USP16: variants seen among roughly 807,000 people sequenced by gnomAD.
USP16 encodes ubiquitin carboxyl-terminal hydrolase 16.
In USP16, 77 loss-of-function variants were observed where a neutral mutation model predicts 95.9. That is an observed-to-expected ratio of 0.80 (90% CI 0.67 to 0.97). USP16 has a LOEUF of 0.97. Ranked by LOEUF, USP16 falls within the 50% of genes least tolerant of loss-of-function variation. The pLI is 0.00. For missense variants in USP16, 943 were observed against 959.9 expected (o/e 0.98, Z 0.23); for synonymous variants, 303 against 318.2 (o/e 0.95, Z 0.51).
rs1568903782 is a variant in USP16 at position 29,054,056 on chromosome 21, C to G, written c.2351-10C>G. 5 of 1,614,078 alleles carry G rather than the reference C, an allele frequency of 3.1e-6. No homozygotes were observed. The highest frequency in any genetic ancestry group is 2.2e-5 in the East Asian group (1 of 44,886). On this transcript the variant is annotated splice_polypyrimidine_tract_variant and intron_variant, in intron 17 of 17. Coordinates refer to ENST00000399976, the MANE Select transcript of USP16 (RefSeq NM_006447.3). ...CCATTTATGTTTGATTTTTCATTTT[C>G]TCATGACAGATTTTGAAATGGAATC...
At position 29,038,395 on chromosome 21, in the gene USP16, A is replaced by G. The variant is rs1437417532; in HGVS notation, c.697A>G (p.Ile233Val). Reference sequence around the variant, plus strand: ...AAAAGAAGTGAAAATGTCTGGAACAATTGTAAAAATTGAACCACCTGATTT... The same window carrying G: ...AAAAGAAGTGAAAATGTCTGGAACAGTTGTAAAAATTGAACCACCTGATTT... ...LLKEVKMSGT[I>V]VKIEPPDLAL... is the part of the protein sequence containing the mutation. Residue 233 changes from isoleucine (I) to valine (V), a missense_variant, in exon 7 of 18, where the codon ATT becomes GTT. Ile to Val is a conservative substitution (Grantham distance 29). Transcript: ENST00000399976. 1 of 1,613,048 alleles carries G rather than the reference A, an allele frequency of 6.2e-7. No homozygotes were observed. The highest frequency in any genetic ancestry group is 1.7e-4 in the Middle Eastern group (1 of 6,060).
intron 12 of USP16, chr21:29,043,161 A>G (rs966058284): frequency 4.2e-6 from 1 of 235,302 alleles, no homozygotes; most frequent in African/African-American, 2.2e-5. Context: ...GCATGTATCT[A>G]ATAAATTTCG....
chr21:29,024,806 C>T, intron 1 of USP16, 29 bp downstream of exon 1: 1 of 1,256,994 alleles, frequency 8.0e-7, no homozygotes, highest in Non-Finnish European at 1.0e-6. Flanking sequence ...GCCTGGCAGT[C>T]GTCGCTCGCC....
At chr21:29,042,307 A>G (rs2085256451) in intron 11 of USP16, among the ~76,000 whole-genome samples, 165 bp from the exon 12 acceptor site, 1 of 152,158 alleles carries the variant, frequency 6.6e-6, no homozygotes, top group Admixed American at 6.5e-5. Context: ...TATTTCCCCC[A>G]ACCCAAAGTC....
rs1354726020 is a variant in USP16 at position 29,054,061 on chromosome 21, GAC to G, written c.2351-3_2351-2del. The G allele has an allele frequency of 1.2e-5, 19 of 1,614,070 alleles. No homozygotes were observed. The highest frequency in any genetic ancestry group is 1.5e-5 in the Non-Finnish European group (18 of 1,179,976). Reference sequence around the variant, plus strand: ...TATGTTTGATTTTTCATTTTCTCATGACAGATTTTGAAATGGAATCAAAAGGG... The same window carrying G: ...TATGTTTGATTTTTCATTTTCTCATGAGATTTTGAAATGGAATCAAAAGGG... On this transcript the variant is annotated splice_region_variant and splice_polypyrimidine_tract_variant and intron_variant, in intron 17 of 17. Coordinates refer to ENST00000399976, the MANE Select transcript of USP16 (RefSeq NM_006447.3).
At chr21:29,039,193 G>C in intron 8 of USP16, 37 bp downstream of exon 8, 2 of 1,410,276 alleles carry the variant, frequency 1.4e-6, no homozygotes, top group African/African-American at 1.5e-5. Flanking sequence ...CAGTGCCTCA[G>C]TGAGATGCTG....
In USP16 at chr21:29,046,563, A is replaced by G. The variant is rs2085325702; in HGVS notation, c.1357-104A>G. 2.6e-6 allele frequency: 3 copies of G among 1,169,306 alleles called. No homozygotes were observed. In the South Asian group the frequency reaches 4.9e-5, roughly 19 times the overall value. The allele number at this position is 1,169,306 out of a possible 1,614,324, so 72.4% of individuals were successfully genotyped here. Reference sequence around the variant, plus strand: ...TGATTGACAAGCAGCAAAACTGGATATAGTACATGTGTGTGTTTTGTCCTT... The same window carrying G: ...TGATTGACAAGCAGCAAAACTGGATGTAGTACATGTGTGTGTTTTGTCCTT... On this transcript the variant is annotated intron_variant, in intron 13 of 17. Transcript: ENST00000399976.
In USP16 at chr21:29,054,110, A is replaced by G; in HGVS notation, c.2395A>G (p.Thr799Ala). ...AGGGCAGTGGTTTCACATCAGCGAC[A>G]CACATGTGCAAGCTGTGCCTACAAC... is the stretch of plus-strand genomic sequence containing the variant. ...SKGQWFHISD[T>A]HVQAVPTTKV... The change falls in exon 18 of 18, where the codon ACA (threonine) becomes GCA (alanine). Residue 799 changes from threonine (T) to alanine (A), a missense_variant. By Grantham distance (58) the Thr-to-Ala change is moderately conservative (BLOSUM62 0). Coordinates refer to ENST00000399976, the MANE Select transcript of USP16 (RefSeq NM_006447.3). The G allele has an allele frequency of 6.2e-7, 1 of 1,614,254 alleles. No individual in the cohort carries two copies. The highest frequency in any genetic ancestry group is 8.5e-7 in the Non-Finnish European group (1 of 1,180,044).
chr21:29,037,579 C>CTTTTTTTTTTTTTTTTTT (rs71189336), intron 6 of USP16, 116 bp downstream of exon 6: 1 of 171,646 alleles, frequency 5.8e-6, no homozygotes, highest in Non-Finnish European at 9.3e-6. Context: ...CCAAAGAAAA[C>CTTTTTTTTTTTTTTTTTT]TTTTTTTTTT....
chr21:29,041,586 C>T (rs1456733262), intron 10 of USP16, among the ~76,000 whole-genome samples: 2 of 152,122 alleles, frequency 1.3e-5, no homozygotes, highest in African/African-American at 4.8e-5. Flanking sequence ...CATTTTCTCT[C>T]CCAGTTTGCT....
intron 1 of USP16, 77 bp from the exon 2 acceptor site, chr21:29,027,796 A>G (rs1414200811): frequency 1.1e-6 from 1 of 941,700 alleles, no homozygotes; most frequent in East Asian, 2.6e-5. Flanking sequence ...TACGTGGCTT[A>G]GTTATATTAC....
At position 29,053,928 on chromosome 21, in the gene USP16, A is replaced by G; in HGVS notation, c.2320A>G (p.Asn774Asp). Reference protein sequence around the residue: ...KARTANSHLSNLVLHGDIPQD... With the variant: ...KARTANSHLSDLVLHGDIPQD... Reference sequence around the variant, plus strand: ...AAGAACCGCAAATAGTCATCTCTCTAATCTTGTTCTTCACGGTGATATTCC... The same window carrying G: ...AAGAACCGCAAATAGTCATCTCTCTGATCTTGTTCTTCACGGTGATATTCC... The change falls in exon 17 of 18, where the codon AAT becomes GAT. Residue 774 changes from asparagine (N) to aspartate (D), a missense_variant. Transcript: ENST00000399976. The G allele has an allele frequency of 6.2e-7, 1 of 1,614,238 alleles. No homozygotes were observed. The highest frequency in any genetic ancestry group is 1.3e-5 in the African/African-American group (1 of 75,072).
At chr21:29,043,843 TTTAA>T (rs2085281377) in intron 13 of USP16, among the ~76,000 whole-genome samples, 1 of 152,186 alleles carries the variant, frequency 6.6e-6, no homozygotes, top group Non-Finnish European at 1.5e-5. Flanking sequence ...TTGTAGTAAG[TTTAA>T]TTAACTTAAT....
intron 3 of USP16, 129 bp downstream of exon 3, chr21:29,030,902 C>A: frequency 9.3e-7 from 1 of 1,074,798 alleles, no homozygotes; most frequent in Non-Finnish European, 1.3e-6. Context: ...TCTGGAGAAC[C>A]AGTTCTGAGA....
At chr21:29,034,616 G>A (rs1326709949) in intron 3 of USP16, among the ~76,000 whole-genome samples, 1 of 152,110 alleles carries the variant, frequency 6.6e-6, no homozygotes, top group African/African-American at 2.4e-5. Context: ...CGCGCCTAGC[G>A]AGTGCATGGT....
intron 5 of USP16, among the ~76,000 whole-genome samples, chr21:29,036,870 G>GT (rs2085165097): frequency 6.6e-6 from 1 of 152,094 alleles, no homozygotes; most frequent in South Asian, 2.1e-4. Flanking sequence ...AGAATTATTT[G>GT]TTTTTTACTT....
chr21:29,043,495 G>A lies in USP16; in HGVS notation c.1252G>A (p.Glu418Lys). ...VEDEDQDSEE[E>K]KDNDSYIKER... ...GGATGAAGATCAAGATAGTGAGGAA[G>A]AAAAAGATAACGACAGTTACATAAA... The change falls in exon 13 of 18, where the codon GAA becomes AAA. Residue 418 changes from glutamate (E) to lysine (K), a missense_variant. Transcript: ENST00000399976. The A allele has an allele frequency of 6.3e-7, 1 of 1,597,056 alleles. No individual in the cohort carries two copies. The highest frequency in any genetic ancestry group is 8.5e-7 in the Non-Finnish European group (1 of 1,173,190).
At chr21:29,049,965 G>C in intron 15 of USP16, 127 bp from the exon 16 acceptor site, 1 of 785,912 alleles carries the variant, frequency 1.3e-6, no homozygotes, top group East Asian at 2.7e-5. Flanking sequence ...GAAGAATTGA[G>C]TCTCCAAAGA....
chr21:29,041,721 G>C (rs2085245579), intron 10 of USP16, among the ~76,000 whole-genome samples: 1 of 152,160 alleles, frequency 6.6e-6, no homozygotes, highest in Admixed American at 6.5e-5. Flanking sequence ...GAAAGACATA[G>C]AAGTCTCACT....
Sources: allele counts gnomAD v4.1 joint callset (sites outside exome capture counted in the v4.1 genomes callset), GRCh38; gene constraint gnomAD v4.1.1; transcripts MANE v1.5; gene names NCBI Gene and HGNC (gene_info 2026-07-23, HGNC 2026-07-21).